ZDHHC21: variants seen among roughly 807,000 people sequenced by gnomAD.
ZDHHC21 encodes zDHHC palmitoyltransferase 21.
ZDHHC21 carries 15 observed loss-of-function variants against 34.6 expected under a neutral mutation model. That is an observed-to-expected ratio of 0.43 (90% CI 0.29 to 0.67). ZDHHC21 has a LOEUF of 0.67. Among genes scored for constraint, ZDHHC21 ranks in the 30% least tolerant of loss-of-function variants. The pLI is 0.14. For synonymous variants in ZDHHC21, 142 were observed against 101.8 expected, an observed-to-expected ratio of 1.40 and a Z score of -2.38; for missense variants, 344 against 327.7, an observed-to-expected ratio of 1.05 and a Z score of -0.38.
chr9:14,621,265 A>G (rs1451071188), intron 8 of ZDHHC21, among the ~76,000 whole-genome samples: 1 of 152,160 alleles, frequency 6.6e-6, no homozygotes, highest in East Asian at 1.9e-4. Context: ...ACTATAAACT[A>G]TTCCATGGTA....
At chr9:14,669,765 A>T (rs2131484510) in intron 5 of ZDHHC21, among the ~76,000 whole-genome samples, 1 of 149,664 alleles carries the variant, frequency 6.7e-6, no homozygotes, top group Non-Finnish European at 1.5e-5. Flanking sequence ...CAAAAAACCA[A>T]ACACTCCATA....
At chr9:14,689,724 T>C (rs1273669586) in intron 2 of ZDHHC21, among the ~76,000 whole-genome samples, 1 of 152,154 alleles carries the variant, frequency 6.6e-6, no homozygotes, top group Non-Finnish European at 1.5e-5. Flanking sequence ...TTGCATTAAC[T>C]TGCTTTAACT....
chr9:14,647,179 G>A (rs555685712), intron 7 of ZDHHC21, among the ~76,000 whole-genome samples: 2 of 152,136 alleles, frequency 1.3e-5, no homozygotes, highest in African/African-American at 4.8e-5. Flanking sequence ...TCACTCTCAT[G>A]AAATATTAAT....
chr9:14,626,909 ATTTAT>A (rs919086957), intron 8 of ZDHHC21, among the ~76,000 whole-genome samples: 7 of 152,084 alleles, frequency 4.6e-5, no homozygotes, highest in Non-Finnish European at 8.8e-5. Context: ...TTAGAAATAC[ATTTAT>A]TTTATTTTTA....
At chr9:14,634,403 C>T (rs562465030) in intron 8 of ZDHHC21, among the ~76,000 whole-genome samples, 120 of 152,346 alleles carry the variant, frequency 7.9e-4, no homozygotes, top group African/African-American at 2.7e-3. Context: ...AAGAATTGGT[C>T]TGTGTGGACC....
the ZDHHC21 span, among the ~76,000 whole-genome samples, chr9:14,603,762 C>T: frequency 6.6e-6 from 1 of 152,246 alleles, no homozygotes; most frequent in African/African-American, 2.4e-5. Flanking sequence ...GGAATCGCTG[C>T]TCTTTATTAA....
At chr9:14,664,523 T>C (rs1324314672) in intron 5 of ZDHHC21, among the ~76,000 whole-genome samples, 1 of 151,650 alleles carries the variant, frequency 6.6e-6, no homozygotes, top group East Asian at 1.9e-4. Context: ...CAAGGAGGCC[T>C]GCCTGCCTCT....
intron 8 of ZDHHC21, among the ~76,000 whole-genome samples, chr9:14,624,129 T>C (rs1825806330): frequency 6.6e-6 from 1 of 152,066 alleles, no homozygotes; most frequent in African/African-American, 2.4e-5. Context: ...TGAATTAAAA[T>C]AATATAGTTT....
intron 2 of ZDHHC21, among the ~76,000 whole-genome samples, chr9:14,688,863 A>G (rs1383441585): frequency 6.6e-6 from 1 of 152,082 alleles, no homozygotes; most frequent in African/African-American, 2.4e-5. Context: ...CTCTGTCTCA[A>G]AAACAACAAC....
At chr9:14,657,982 C>T (rs1456243251) in intron 7 of ZDHHC21, among the ~76,000 whole-genome samples, 1 of 152,002 alleles carries the variant, frequency 6.6e-6, no homozygotes, top group Non-Finnish European at 1.5e-5. Context: ...AACTATAGTC[C>T]TAGCATGCAT....
chr9:14,656,214 G>A (rs1832177784), intron 7 of ZDHHC21, among the ~76,000 whole-genome samples: 1 of 151,938 alleles, frequency 6.6e-6, no homozygotes, highest in Non-Finnish European at 1.5e-5. Context: ...CAGATCATTG[G>A]AATATTTAGA....
chr9:14,664,375 C>T (rs1833990849), intron 5 of ZDHHC21, among the ~76,000 whole-genome samples: 2 of 151,296 alleles, frequency 1.3e-5, no homozygotes, highest in East Asian at 1.9e-4. Flanking sequence ...CGGAGTCTCG[C>T]TGATTGCTAG....
chr9:14,655,199 G>A (rs898312740), intron 7 of ZDHHC21, among the ~76,000 whole-genome samples: 1 of 151,886 alleles, frequency 6.6e-6, no homozygotes, highest in African/African-American at 2.4e-5. Flanking sequence ...ATAAGACAAT[G>A]GAATAACATC....
At chr9:14,593,378 A>G in the ZDHHC21 span, among the ~76,000 whole-genome samples, 1 of 152,228 alleles carries the variant, frequency 6.6e-6, no homozygotes, top group Non-Finnish European at 1.5e-5. Flanking sequence ...TTATGTCAAC[A>G]TATTAGATAA....
At chr9:14,609,877 T>C (rs1449822458), downstream of ZDHHC21, among the ~76,000 whole-genome samples, 1 of 152,034 alleles carries the variant, frequency 6.6e-6, no homozygotes, top group Non-Finnish European at 1.5e-5. Context: ...CTCCTCCTTT[T>C]TCCAACTACA....
Position 14,662,241 on chromosome 9 carries a change from C to A in ZDHHC21, c.339G>T (p.Val113=). The A allele has an allele frequency of 6.2e-7, 1 of 1,612,538 alleles. No homozygotes were observed. Among genetic ancestry groups the A allele is most frequent in the Non-Finnish European group, 8.5e-7 (1 of 1,179,374 alleles). The change falls in exon 6 of 10, where the codon GTG becomes GTT. Residue 113 remains valine, a synonymous_variant. Coordinates refer to ENST00000380916, the MANE Select transcript of ZDHHC21 (RefSeq NM_178566.6). ...SHHCSRCGHC[V]RRMDHHCPWI... Reference sequence around the variant, plus strand: ...ATGGACAGTGATGATCCATTCTCCTCACACAGTGGCCGCAGCGGCTACAGT... The same window carrying A: ...ATGGACAGTGATGATCCATTCTCCTAACACAGTGGCCGCAGCGGCTACAGT...
chr9:14,682,754 G>A (rs146867747), intron 2 of ZDHHC21, among the ~76,000 whole-genome samples: 167 of 152,192 alleles, frequency 1.1e-3, no homozygotes, highest in Non-Finnish European at 1.8e-3. Context: ...GCACCACATC[G>A]CATTTACTCC....
chr9:14,623,102 G>A (rs1825584031), intron 8 of ZDHHC21, among the ~76,000 whole-genome samples: 1 of 150,732 alleles, frequency 6.6e-6, no homozygotes, highest in Non-Finnish European at 1.5e-5. Flanking sequence ...AATGCTTTAG[G>A]ACATTGCCTG....
intron 7 of ZDHHC21, among the ~76,000 whole-genome samples, chr9:14,656,730 T>G (rs1194126950): frequency 6.6e-6 from 1 of 151,962 alleles, no homozygotes; most frequent in Non-Finnish European, 1.5e-5. Flanking sequence ...GCTTCATTCC[T>G]AAAGTAGCTT....
Sources: gnomAD v4.1 joint callset for allele counts (sites outside exome capture counted in the v4.1 genomes callset) on GRCh38, gnomAD v4.1.1 for gene constraint, MANE v1.5 for transcripts, NCBI Gene and HGNC (gene_info 2026-07-23, HGNC 2026-07-21) for gene names.